The following FBXL13 variants were observed in gnomAD, a reference collection of about 807,000 sequenced individuals.
The protein encoded by FBXL13 is F-box and leucine rich repeat protein 13.
FBXL13 carries 67 observed loss-of-function variants against 83.6 expected under a neutral mutation model. That is an observed-to-expected ratio of 0.80 (90% CI 0.66 to 0.98). The LOEUF (loss-of-function observed/expected upper bound fraction) is 0.98, where lower values mean the gene tolerates loss of function less well. Among genes scored for constraint, FBXL13 ranks in the 50% least tolerant of loss-of-function variants. The pLI is 0.00. For synonymous variants in FBXL13, 272 were observed against 299.5 expected, an observed-to-expected ratio of 0.91 and a Z score of 0.95; for missense variants, 822 against 866.5, an observed-to-expected ratio of 0.95 and a Z score of 0.64.
chr7:102,973,867 C>T (rs1224460478), intron 6 of FBXL13: 17 of 693,854 alleles, frequency 2.5e-5, no homozygotes, highest in Non-Finnish European at 3.9e-5. Context: ...AAGAAGGCTC[C>T]GACGTGTGCC....
chr7:103,055,444 T>G (rs969998345), intron 2 of FBXL13, among the ~76,000 whole-genome samples, 200 bp downstream of exon 2: 1 of 152,170 alleles, frequency 6.6e-6, no homozygotes, highest in Admixed American at 6.5e-5. Flanking sequence ...CTGATAAGAA[T>G]ACACCGTATT....
At chr7:103,010,632 C>T (rs1231301664) in intron 6 of FBXL13, among the ~76,000 whole-genome samples, 1 of 151,886 alleles carries the variant, frequency 6.6e-6, no homozygotes. Flanking sequence ...TGCATAGGTC[C>T]CTGTGGAGAG....
At chr7:102,942,826 A>G (rs1217457090) in intron 8 of FBXL13, among the ~76,000 whole-genome samples, 1 of 152,212 alleles carries the variant, frequency 6.6e-6, no homozygotes, top group African/African-American at 2.4e-5. Context: ...CTAATTCAAA[A>G]TAAGGACGCT....
intron 6 of FBXL13, among the ~76,000 whole-genome samples, chr7:103,008,708 C>A (rs1791251002): frequency 6.6e-6 from 1 of 152,046 alleles, no homozygotes; most frequent in African/African-American, 2.4e-5. Flanking sequence ...TAGGTGCACA[C>A]CAACACACCC....
chr7:102,980,951 A>C (rs935434519), intron 6 of FBXL13, among the ~76,000 whole-genome samples: 8 of 152,220 alleles, frequency 5.3e-5, no homozygotes, highest in Non-Finnish European at 8.8e-5. Flanking sequence ...TGATAAAGAA[A>C]GTAAAGACTT....
intron 10 of FBXL13, among the ~76,000 whole-genome samples, chr7:102,915,052 C>A (rs1395456149): frequency 1.3e-5 from 2 of 152,034 alleles, no homozygotes; most frequent in Non-Finnish European, 2.9e-5. Flanking sequence ...AAATCCAAGC[C>A]CTGACACTTA....
intron 6 of FBXL13, among the ~76,000 whole-genome samples, chr7:103,016,192 C>T (rs1376367069): frequency 6.6e-6 from 1 of 152,012 alleles, no homozygotes; most frequent in African/African-American, 2.4e-5. Flanking sequence ...ACAAAAGGGT[C>T]CAAATAGCCA....
At chr7:102,898,669 T>A (rs544912430) in intron 11 of FBXL13, among the ~76,000 whole-genome samples, 62 of 152,302 alleles carry the variant, frequency 4.1e-4, no homozygotes, top group African/African-American at 1.3e-3. Context: ...AGGTCCCAAC[T>A]GTCAGTGCCA....
intron 6 of FBXL13, among the ~76,000 whole-genome samples, chr7:102,986,075 T>C (rs899260206): frequency 5.9e-5 from 9 of 151,502 alleles, no homozygotes; most frequent in Non-Finnish European, 1.0e-4. Flanking sequence ...AAATAATCTA[T>C]TGAAACATTC....
exon 10 of FBXL13, chr7:102,926,355 A>C (rs1259826026): frequency 6.2e-7 from 1 of 1,613,668 alleles, no homozygotes; most frequent in Non-Finnish European, 8.5e-7. Flanking sequence ...GCCCTCAGAA[A>C]TGTGTCTCAT....
chr7:102,934,013 CG>C, intron 8 of FBXL13: 1 of 1,614,080 alleles, frequency 6.2e-7, no homozygotes, highest in Admixed American at 1.7e-5. Context: ...GAATCATGGC[CG>C]GGCGGGTGGA....
intron 8 of FBXL13, among the ~76,000 whole-genome samples, chr7:102,961,126 C>A (rs1486799129): frequency 1.3e-5 from 2 of 150,854 alleles, no homozygotes; most frequent in African/African-American, 4.9e-5. Flanking sequence ...TGATAAGCAA[C>A]TTCAGCAAAG....
chr7:102,904,075 GTTC>G (rs1420054032), intron 11 of FBXL13, among the ~76,000 whole-genome samples: 3 of 150,028 alleles, frequency 2.0e-5, no homozygotes, highest in East Asian at 2.0e-4. Flanking sequence ...ATTGGTATTA[GTTC>G]TTCTTTAAAT....
rs1810425289 is a variant in FBXL13, at chr7:102,883,743, A to C, written c.1108-58T>G. The C allele has an allele frequency of 3.8e-6, 4 of 1,062,784 alleles. No homozygotes were observed. The East Asian group carries it at 9.6e-5, about 26-fold the overall frequency. 65.8% of individuals were successfully genotyped at this position (1,062,784 alleles called of 1,614,324 possible). A position where few individuals can be genotyped will look rare whatever the true frequency, so the allele number is the denominator to read the frequency against. On this transcript the variant is annotated intron_variant, in intron 12 of 19. Transcript: ENST00000313221. Reference sequence around the variant, plus strand: ...GTGTACAGAACAGGTTTAGCAAGGTAATGAAGTCACTTTTTCCTTCAATAT... The same window carrying C: ...GTGTACAGAACAGGTTTAGCAAGGTCATGAAGTCACTTTTTCCTTCAATAT...
At chr7:103,016,707 C>T (rs1792379646) in intron 6 of FBXL13, among the ~76,000 whole-genome samples, 1 of 152,176 alleles carries the variant, frequency 6.6e-6, no homozygotes, top group Non-Finnish European at 1.5e-5. Context: ...GGGTCCCACA[C>T]CCATGGAGCC....
exon 1 of FBXL13, chr7:103,074,256 A>T (rs1799392368): frequency 2.0e-6 from 2 of 1,002,138 alleles, no homozygotes; most frequent in Non-Finnish European, 2.4e-6. Flanking sequence ...CTTGGGCAGA[A>T]TCCAGCTCCT....
intron 10 of FBXL13, among the ~76,000 whole-genome samples, chr7:102,914,618 C>G (rs1260823031): frequency 6.6e-6 from 1 of 152,178 alleles, no homozygotes; most frequent in South Asian, 2.1e-4. Flanking sequence ...AAAAACACAT[C>G]TATATGATAT....
intron 8 of FBXL13, among the ~76,000 whole-genome samples, chr7:102,951,585 A>G (rs1291938975): frequency 4.0e-5 from 6 of 151,800 alleles, no homozygotes; most frequent in African/African-American, 1.5e-4. Flanking sequence ...AGGCAGGAGG[A>G]TCACTTGAGT....
intron 2 of FBXL13, 131 bp downstream of exon 3, chr7:103,054,957 T>C: frequency 2.4e-6 from 1 of 417,870 alleles, no homozygotes; most frequent in Non-Finnish European, 4.3e-6. Flanking sequence ...TGGCTATTCC[T>C]TCACTTTTCT....
Sources: allele counts gnomAD v4.1 joint callset (sites outside exome capture counted in the v4.1 genomes callset), GRCh38; gene constraint gnomAD v4.1.1; transcripts MANE v1.5; gene names NCBI Gene and HGNC (gene_info 2026-07-23, HGNC 2026-07-21).